The following AGBL4 variants were observed in gnomAD, a reference collection of about 807,000 sequenced individuals.
AGBL4 encodes cytosolic carboxypeptidase 6.
A neutral mutation model predicts 66.4 loss-of-function variants in AGBL4; 58 were observed. That is an observed-to-expected ratio of 0.87 (90% confidence interval 0.71 to 1.09). The LOEUF (loss-of-function observed/expected upper bound fraction) is 1.09. AGBL4 is among the 50% of genes least tolerant of loss of function. The pLI is 0.00. For synonymous variants in AGBL4, 234 were observed against 222.9 expected, an observed-to-expected ratio of 1.05 and a Z score of -0.44; for missense variants, 579 against 631.0, an observed-to-expected ratio of 0.92 and a Z score of 0.88.
At chr1:49,436,703 A>G (rs1645911845) in intron 3 of AGBL4, among the ~76,000 whole-genome samples, 1 of 152,292 alleles carries the variant, frequency 6.6e-6, no homozygotes, top group Non-Finnish European at 1.5e-5. Context: ...TTTTAAAAAT[A>G]TTTCACAGAA....
intron 2 of AGBL4, among the ~76,000 whole-genome samples, chr1:49,730,596 G>C (rs541261321): frequency 2.3e-4 from 35 of 152,292 alleles, no homozygotes; most frequent in African/African-American, 8.2e-4. Context: ...GTATCTCTGA[G>C]TTTTCAGGTG....
chr1:48,792,561 T>C (rs1645576454), intron 6 of AGBL4, among the ~76,000 whole-genome samples: 1 of 152,178 alleles, frequency 6.6e-6, no homozygotes, highest in African/African-American at 2.4e-5. Context: ...TCGATATTCA[T>C]GGAGGTATGT....
intron 5 of AGBL4, among the ~76,000 whole-genome samples, chr1:48,887,197 A>T (rs1650446521): frequency 6.6e-6 from 1 of 152,134 alleles, no homozygotes; most frequent in Non-Finnish European, 1.5e-5. Flanking sequence ...TGAATATTCC[A>T]GTATGACGAG....
chr1:49,945,173 C>T (rs1249742967), intron 1 of AGBL4, among the ~76,000 whole-genome samples: 1 of 152,060 alleles, frequency 6.6e-6, no homozygotes, highest in African/African-American at 2.4e-5. Context: ...TTCCCCCAGC[C>T]TTGCTAGAGT....
At chr1:48,537,737 G>A (rs1643996837) in intron 12 of AGBL4, among the ~76,000 whole-genome samples, 1 of 152,176 alleles carries the variant, frequency 6.6e-6, no homozygotes, top group South Asian at 2.1e-4. Context: ...TTTAGGCAGA[G>A]GACCTGAAAG....
At chr1:49,815,328 G>A (rs1645204900) in intron 2 of AGBL4, among the ~76,000 whole-genome samples, 1 of 152,066 alleles carries the variant, frequency 6.6e-6, no homozygotes, top group Non-Finnish European at 1.5e-5. Flanking sequence ...TTAGTTCCAT[G>A]TTGTTGCAAA....
At chr1:48,904,926 T>TAC (rs5774033) in intron 5 of AGBL4, among the ~76,000 whole-genome samples, 133,879 of 152,066 alleles carry the variant, frequency 0.88, 59,688 homozygotes, top group Non-Finnish European at 0.96. Context: ...CGAGACGCTG[T>TAC]ACAGTCTGCA....
chr1:49,860,897 C>T (rs971031634), intron 1 of AGBL4, among the ~76,000 whole-genome samples: 3 of 152,116 alleles, frequency 2.0e-5, no homozygotes, highest in African/African-American at 7.2e-5. Flanking sequence ...CTGAAAGAGG[C>T]ACTGAAGAGA....
At chr1:49,407,429 A>T (rs1209651715) in intron 3 of AGBL4, among the ~76,000 whole-genome samples, 2 of 152,238 alleles carry the variant, frequency 1.3e-5, no homozygotes, top group African/African-American at 4.8e-5. Context: ...TGGACTGCCA[A>T]GTCACAGTGC....
At position 49,162,720 on chromosome 1, in the gene AGBL4, C is replaced by T. The variant is rs567526761; in HGVS notation, c.377+83050G>A. On this transcript the variant is annotated intron_variant, in intron 4 of 13. Transcript: ENST00000371839. Reference sequence around the variant, plus strand: ...ATTATAGCTCTGTCATTTACTACCTCGGAGACCTAAGACAGGTCCCTTAAC... The same window carrying T: ...ATTATAGCTCTGTCATTTACTACCTTGGAGACCTAAGACAGGTCCCTTAAC... Among the ~76,000 whole-genome samples the T allele has an allele frequency of 3.9e-5, 6 of 152,266 alleles. No individual in the cohort carries two copies. In the East Asian group the frequency reaches 5.8e-4, roughly 15 times the overall value.
At chr1:49,139,715 T>C (rs1300819970) in intron 4 of AGBL4, among the ~76,000 whole-genome samples, 1 of 152,168 alleles carries the variant, frequency 6.6e-6, no homozygotes, top group Non-Finnish European at 1.5e-5. Context: ...ATACTGTTCG[T>C]CCTATCCCAT....
chr1:49,039,056 C>T (rs1331444994), intron 5 of AGBL4, among the ~76,000 whole-genome samples: 1 of 152,036 alleles, frequency 6.6e-6, no homozygotes, highest in Admixed American at 6.6e-5. Context: ...ATGGAGTAAA[C>T]TTAAGTGCAT....
intron 9 of AGBL4, among the ~76,000 whole-genome samples, chr1:48,602,934 C>T (rs1474584171): frequency 6.6e-6 from 1 of 152,164 alleles, no homozygotes; most frequent in Non-Finnish European, 1.5e-5. Flanking sequence ...GTACATATGC[C>T]TTTCAGGTGC....
At chr1:49,991,175 C>A (rs1659914183) in intron 1 of AGBL4, among the ~76,000 whole-genome samples, 1 of 151,984 alleles carries the variant, frequency 6.6e-6, no homozygotes, top group Admixed American at 6.6e-5. Context: ...CGTATAATAA[C>A]CTTTCATTTA....
intron 4 of AGBL4, among the ~76,000 whole-genome samples, chr1:49,120,531 C>T (rs1230912164): frequency 6.6e-6 from 1 of 152,222 alleles, no homozygotes; most frequent in Non-Finnish European, 1.5e-5. Context: ...CCCCCACTCT[C>T]TTCTGGCTTG....
At chr1:48,926,508 C>T (rs995897543) in intron 5 of AGBL4, among the ~76,000 whole-genome samples, 1 of 151,196 alleles carries the variant, frequency 6.6e-6, no homozygotes, top group African/African-American at 2.4e-5. Context: ...AGGCTAGTCT[C>T]AAACTCCTGA....
intron 3 of AGBL4, among the ~76,000 whole-genome samples, chr1:49,378,905 A>C (rs1644529526): frequency 6.6e-6 from 1 of 152,056 alleles, no homozygotes; most frequent in African/African-American, 2.4e-5. Context: ...TGTTACCCAG[A>C]AGTTCACTGT....
At chr1:48,774,009 T>G (rs899625303) in intron 6 of AGBL4, among the ~76,000 whole-genome samples, 1 of 152,208 alleles carries the variant, frequency 6.6e-6, no homozygotes, top group Admixed American at 6.5e-5. Context: ...GCTTTGACAT[T>G]TCCTGAGTAT....
At chr1:48,960,647 C>T (rs180741229) in intron 5 of AGBL4, among the ~76,000 whole-genome samples, 1 of 152,070 alleles carries the variant, frequency 6.6e-6, no homozygotes, top group South Asian at 2.1e-4. Context: ...AAAAAGAGTG[C>T]AATTTGAAAG....
Sources: gnomAD v4.1 joint callset for allele counts (sites outside exome capture counted in the v4.1 genomes callset) on GRCh38, gnomAD v4.1.1 for gene constraint, MANE v1.5 for transcripts, NCBI Gene and HGNC (gene_info 2026-07-23, HGNC 2026-07-21) for gene names.